SLC67A2: variants seen among roughly 807,000 people sequenced by gnomAD.
SLC67A2 encodes solute carrier family 67 member A2.
At chr2:102,730,141 G>A in the SLC67A2 span, among the ~76,000 whole-genome samples, 1 of 152,188 alleles carries the variant, frequency 6.6e-6, no homozygotes, top group Non-Finnish European at 1.5e-5. Context: ...CATCAGGTAA[G>A]GTCTCTGAAA....
chr2:102,718,755 G>A, the SLC67A2 span: 9 of 1,613,718 alleles, frequency 5.6e-6, no homozygotes, highest in South Asian at 9.9e-5. Context: ...AGCAGCAGCA[G>A]TGTGCAGGTG....
chr2:102,722,739 A>G, the SLC67A2 span, among the ~76,000 whole-genome samples: 3 of 152,300 alleles, frequency 2.0e-5, no homozygotes, highest in South Asian at 6.2e-4. Flanking sequence ...AGGTATAACA[A>G]CAAAACCAAT....
the SLC67A2 span, among the ~76,000 whole-genome samples, chr2:102,720,442 T>TG: frequency 6.6e-6 from 1 of 152,208 alleles, no homozygotes; most frequent in African/African-American, 2.4e-5. Context: ...TAACTTCTGT[T>TG]GAGTGCTTAC....
the SLC67A2 span, chr2:102,718,821 T>C: frequency 6.2e-5 from 100 of 1,613,874 alleles, no homozygotes; most frequent in South Asian, 6.0e-4. Context: ...AGCCGTAGGA[T>C]TGGCCCCAGG....
chr2:102,721,598 A>C, the SLC67A2 span, among the ~76,000 whole-genome samples: 1 of 152,132 alleles, frequency 6.6e-6, no homozygotes, highest in African/African-American at 2.4e-5. Context: ...CCACTCTCTA[A>C]GTGAAGAAGA....
At chr2:102,714,822 G>A in the SLC67A2 span, among the ~76,000 whole-genome samples, 1 of 152,196 alleles carries the variant, frequency 6.6e-6, no homozygotes, top group Non-Finnish European at 1.5e-5. Flanking sequence ...GGGGCAAAGA[G>A]GCATGGAGAT....
the SLC67A2 span, chr2:102,736,764 A>AC: frequency 6.2e-7 from 1 of 1,613,586 alleles, no homozygotes; most frequent in Non-Finnish European, 8.5e-7. Flanking sequence ...GGTCTCCGAG[A>AC]CCAGCCTCGG....
the SLC67A2 span, among the ~76,000 whole-genome samples, chr2:102,715,049 C>T: frequency 5.3e-5 from 8 of 152,158 alleles, no homozygotes; most frequent in African/African-American, 1.9e-4. Context: ...ACCTCTCCTG[C>T]GATTGCCCTG....
At chr2:102,723,953 A>G in the SLC67A2 span, 26 of 1,500,744 alleles carry the variant, frequency 1.7e-5, no homozygotes, top group African/African-American at 2.2e-4. Flanking sequence ...TTTCCAGACC[A>G]TAAGTATCTT....
At chr2:102,718,534 G>A in the SLC67A2 span, 1 of 1,611,090 alleles carries the variant, frequency 6.2e-7, no homozygotes, top group Non-Finnish European at 8.5e-7. Flanking sequence ...GGCCGCAAGG[G>A]CTGACCTCCT....
chr2:102,734,182 C>T, the SLC67A2 span, among the ~76,000 whole-genome samples: 1 of 152,244 alleles, frequency 6.6e-6, no homozygotes, highest in South Asian at 2.1e-4. Flanking sequence ...TATGTACACT[C>T]AAAAGTTTCA....
At chr2:102,725,671 C>G in the SLC67A2 span, among the ~76,000 whole-genome samples, 1 of 150,946 alleles carries the variant, frequency 6.6e-6, no homozygotes, top group Non-Finnish European at 1.5e-5. Flanking sequence ...CTTCACAAAG[C>G]ATTTATCTAG....
chr2:102,723,867 G>A, the SLC67A2 span: 37 of 1,614,046 alleles, frequency 2.3e-5, 1 homozygote, highest in East Asian at 4.5e-4. Context: ...AACCACATCA[G>A]AAAGTAGAGC....
the SLC67A2 span, chr2:102,718,778 T>C: frequency 1.9e-6 from 3 of 1,613,786 alleles, no homozygotes; most frequent in Non-Finnish European, 2.5e-6. Flanking sequence ...TATGCTGGAA[T>C]GCAGCAGCAG....
At chr2:102,729,939 A>C in the SLC67A2 span, among the ~76,000 whole-genome samples, 2,495 of 152,332 alleles carry the variant, frequency 0.016, 72 homozygotes, top group African/African-American at 0.058. Context: ...ACAAGGAAGC[A>C]ACTCTTGGGA....
the SLC67A2 span, among the ~76,000 whole-genome samples, chr2:102,732,882 G>C: frequency 6.6e-6 from 1 of 152,210 alleles, no homozygotes; most frequent in Non-Finnish European, 1.5e-5. Flanking sequence ...GGAAAGGCCA[G>C]TGTTTTGCAG....
the SLC67A2 span, among the ~76,000 whole-genome samples, chr2:102,729,722 GGGTCTTAATT>G: frequency 2.0e-5 from 3 of 152,068 alleles, no homozygotes; most frequent in African/African-American, 7.2e-5. Flanking sequence ...TAACCTATGT[GGGTCTTAATT>G]GGTCTTAATT....
the SLC67A2 span, chr2:102,715,828 A>G: frequency 1.3e-5 from 2 of 152,230 alleles, no homozygotes; most frequent in Non-Finnish European, 2.9e-5. Flanking sequence ...TTAAAAAATG[A>G]AACACCACAA....
chr2:102,730,904 T>C, the SLC67A2 span: 1 of 835,674 alleles, frequency 1.2e-6, no homozygotes, highest in Non-Finnish European at 1.9e-6. Context: ...AGCAGGGAAT[T>C]GTAGGAAGAA....
Sources: allele counts gnomAD v4.1 joint callset (sites outside exome capture counted in the v4.1 genomes callset), GRCh38; gene constraint gnomAD v4.1.1; transcripts MANE v1.5; gene names NCBI Gene and HGNC (gene_info 2026-07-23, HGNC 2026-07-21).